Variants in MPHOSPH9 observed in about 807,000 individuals in gnomAD.
MPHOSPH9 encodes M-phase phosphoprotein 9.
A neutral mutation model predicts 145.5 loss-of-function variants in MPHOSPH9; 88 were observed. That is an observed-to-expected ratio of 0.60 (90% CI 0.51 to 0.72). The LOEUF (loss-of-function observed/expected upper bound fraction) is 0.72. Ranked by LOEUF, MPHOSPH9 falls within the 30% of genes least tolerant of loss-of-function variation. MPHOSPH9 has a pLI of 0.00. For synonymous variants in MPHOSPH9, 435 were observed against 486.2 expected (o/e 0.89, Z 1.39); for missense variants, 1,238 against 1,386.6 (o/e 0.89, Z 1.70).
At chr12:123,160,976 A>C in intron 22 of MPHOSPH9, 127 bp from the exon 23 acceptor site, 2 of 1,319,476 alleles carry the variant, frequency 1.5e-6, no homozygotes, top group South Asian at 2.7e-5. Context: ...CCCTCTGTCA[A>C]TTAGTAACGA....
At chr12:123,165,104 T>C (rs986949022) in intron 18 of MPHOSPH9, among the ~76,000 whole-genome samples, 198 bp downstream of exon 18, 1 of 151,656 alleles carries the variant, frequency 6.6e-6, no homozygotes, top group Non-Finnish European at 1.5e-5. Context: ...AAAAGGTACA[T>C]GTTATGCCAG....
At chr12:123,235,829 C>T (rs1228479566), upstream of MPHOSPH9, among the ~76,000 whole-genome samples, 2 of 151,102 alleles carry the variant, frequency 1.3e-5, no homozygotes, top group African/African-American at 2.4e-5. Context: ...TTCGGGAGGC[C>T]GAGGCAAGCG....
In MPHOSPH9 at chr12:123,202,886, G is replaced by A; in HGVS notation, c.1519C>T (p.Pro507Ser). The A allele has an allele frequency of 1.2e-6, 2 of 1,614,130 alleles. No homozygotes were observed. The highest frequency in any genetic ancestry group is 1.7e-6 in the Non-Finnish European group (2 of 1,180,018). The change falls in exon 10 of 24, where the codon CCA becomes TCA. Residue 507 changes from proline (P) to serine (S), a missense_variant. Physicochemically the swap from Pro to Ser is moderately conservative, Grantham distance 74 (BLOSUM62 -1). This residue lies in a region of MPHOSPH9 where 837 missense variants were observed against 897.5 expected (regional missense o/e 0.93). Coordinates refer to ENST00000606320, the MANE Select transcript of MPHOSPH9 (RefSeq NM_022782.4). ...GCTTTTGTGTGTGAGGGATATTTTG[G>A]AAATCCAGGTAACTGAGAAGTGACA... ...SNVTSQLPGFPKYPSHTKASP... is the reference protein window; with the variant it reads ...SNVTSQLPGFSKYPSHTKASP...
At chr12:123,232,862 G>A (rs1441777670) in intron 1 of MPHOSPH9, 1 of 152,142 alleles carries the variant, frequency 6.6e-6, no homozygotes, top group Non-Finnish European at 1.5e-5. Context: ...CCGCGCGAGT[G>A]TCACTCAAGG....
downstream of MPHOSPH9, chr12:123,153,008 GC>G (rs2043804727): frequency 6.4e-6 from 1 of 155,052 alleles, no homozygotes; most frequent in African/African-American, 2.4e-5. Flanking sequence ...ATTTCAAGTA[GC>G]GTCCAGCAAA....
In MPHOSPH9 at chr12:123,155,555, C is replaced by T. The variant is rs559466167; in HGVS notation, c.*1252G>A. 6.6e-6 allele frequency: 1 copy of T among 152,344 alleles called. No homozygotes were observed. Among genetic ancestry groups the T allele is most frequent in the East Asian group, 1.9e-4 (1 of 5,194 alleles). 9.4% of individuals were successfully genotyped at this position (152,344 alleles called of 1,614,324 possible). ...AACCTGAGCATGTTTAGTACGAATC[C>T]ATTTTGAAAGTTTGGATGAGTCTGT... On this transcript the variant is annotated 3_prime_UTR_variant, in exon 24 of 24. Transcript: ENST00000606320.
chr12:123,152,494 T>G (rs527970236), downstream of MPHOSPH9: 1 of 448,218 alleles, frequency 2.2e-6, no homozygotes, highest in African/African-American at 2.0e-5. Flanking sequence ...TTTCTCACAT[T>G]ATCGGTCACT....
chr12:123,190,089 G>A (rs1417979280), intron 13 of MPHOSPH9, among the ~76,000 whole-genome samples: 2 of 151,724 alleles, frequency 1.3e-5, no homozygotes, highest in Non-Finnish European at 2.9e-5. Flanking sequence ...TTACTCCCAG[G>A]AAGACAGAAG....
At position 123,179,970 on chromosome 12, in the gene MPHOSPH9, C is replaced by T. The variant is rs775965868; in HGVS notation, c.2310G>A (p.Glu770=). 3.5e-6 allele frequency: 5 copies of T among 1,447,236 alleles called. No individual in the cohort carries two copies. The highest frequency in any genetic ancestry group is 2.9e-5 in the African/African-American group (2 of 69,998). 89.6% of individuals were successfully genotyped at this position (1,447,236 alleles called of 1,614,324 possible). A position where few individuals can be genotyped will look rare whatever the true frequency, so the allele number is the denominator to read the frequency against. ...RRVKDALNTT[E]NKLLDAYTQI... is the part of the protein sequence containing the mutation. ...GAGTATATGCATCAAGCAATTTGTTCTCAGTTGTATTTAATGCATCCTATG... is the reference window on the plus strand; with the variant it reads ...GAGTATATGCATCAAGCAATTTGTTTTCAGTTGTATTTAATGCATCCTATG... Residue 770 remains glutamate, a synonymous_variant, in exon 15 of 24, where the codon GAG becomes GAA. Transcript: ENST00000606320.
chr12:123,188,550 T>C (rs1051558389), intron 13 of MPHOSPH9, among the ~76,000 whole-genome samples: 5 of 152,078 alleles, frequency 3.3e-5, no homozygotes, highest in Non-Finnish European at 7.4e-5. Context: ...TGGAATTGTT[T>C]AAAAAATAGA....
intron 8 of MPHOSPH9, among the ~76,000 whole-genome samples, chr12:123,208,737 C>A (rs1218306531): frequency 1.3e-5 from 2 of 151,678 alleles, no homozygotes; most frequent in Non-Finnish European, 2.9e-5. Context: ...AAACACTAAC[C>A]AGCATTTTTT....
chr12:123,192,999 G>A (rs1426853439), intron 13 of MPHOSPH9, among the ~76,000 whole-genome samples: 2 of 148,486 alleles, frequency 1.3e-5, no homozygotes, highest in Admixed American at 1.4e-4. Flanking sequence ...TTGAACCTGG[G>A]AGGCAGAGTT....
At chr12:123,184,592 G>A (rs531400671) in intron 13 of MPHOSPH9, among the ~76,000 whole-genome samples, 3 of 151,854 alleles carry the variant, frequency 2.0e-5, no homozygotes, top group African/African-American at 7.2e-5. Flanking sequence ...CCGCCTCCCG[G>A]GTTCACGCCA....
chr12:123,163,380 G>C (rs1025596277), intron 19 of MPHOSPH9: 1 of 381,772 alleles, frequency 2.6e-6, no homozygotes, highest in African/African-American at 2.1e-5. Context: ...GGTTTTTCAG[G>C]ATTTTAGAAG....
chr12:123,185,681 G>C (rs1454231272), intron 13 of MPHOSPH9, among the ~76,000 whole-genome samples: 2 of 152,172 alleles, frequency 1.3e-5, no homozygotes, highest in Non-Finnish European at 2.9e-5. Flanking sequence ...GGAGGTTGAG[G>C]CTGCAGTGAG....
chr12:123,241,448 C>T (rs1447991312), intron 1 of MPHOSPH9, among the ~76,000 whole-genome samples: 1 of 152,188 alleles, frequency 6.6e-6, no homozygotes, highest in Non-Finnish European at 1.5e-5. Context: ...AGCAATTCTC[C>T]TGCCTCAGTC....
intron 13 of MPHOSPH9, 94 bp downstream of exon 13, chr12:123,194,292 A>C: frequency 2.5e-6 from 2 of 784,624 alleles, no homozygotes; most frequent in Non-Finnish European, 3.9e-6. Flanking sequence ...AAATAATAAA[A>C]TAAGCCTAGA....
chr12:123,173,295 C>G (rs2044675321), intron 16 of MPHOSPH9, among the ~76,000 whole-genome samples: 1 of 152,196 alleles, frequency 6.6e-6, no homozygotes, highest in African/African-American at 2.4e-5. Context: ...ATCTCTCAAG[C>G]AGCAATGTGA....
At position 123,194,567 on chromosome 12, in the gene MPHOSPH9, C is replaced by A. The variant is rs1565934275; in HGVS notation, c.2060G>T (p.Ser687Ile). 6.2e-7 allele frequency: 1 copy of A among 1,611,600 alleles called. No homozygotes were observed. Among genetic ancestry groups the A allele is most frequent in the South Asian group, 1.1e-5 (1 of 90,444 alleles). The change falls in exon 13 of 24, where the codon AGT becomes ATT. Residue 687 changes from serine to isoleucine, a missense_variant. Physicochemically the swap from Ser to Ile is moderately radical, Grantham distance 142 (BLOSUM62 -2). Coordinates refer to ENST00000606320, the MANE Select transcript of MPHOSPH9 (RefSeq NM_022782.4). ...TCGTTCCTGCAAAATTTTGGAAGCA[C>A]TGCTGGCTGCACTGAAGCGTTCTCT... ...DLRERFSAAS[S>I]ASKILQERIE...
Sources: gnomAD v4.1 joint callset for allele counts (sites outside exome capture counted in the v4.1 genomes callset) on GRCh38, gnomAD v4.1.1 for gene constraint, gnomAD v4.1.1 regional missense constraint, MANE v1.5 for transcripts, NCBI Gene and HGNC (gene_info 2026-07-23, HGNC 2026-07-21) for gene names.